Variants in IL16 observed in about 807,000 individuals in gnomAD.
The protein encoded by IL16 is interleukin 16.
A neutral mutation model predicts 110.1 loss-of-function variants in IL16; 67 were observed. That is an observed-to-expected ratio of 0.61 (90% CI 0.50 to 0.75). IL16 has a LOEUF of 0.75. IL16 is among the 30% of genes least tolerant of loss of function. The probability of loss-of-function intolerance (pLI) is 0.00; values close to 1 mark genes in which losing one functional copy is unlikely to be tolerated. For missense variants in IL16, 1,545 were observed against 1,655.0 expected (o/e 0.93, Z 1.15); for synonymous variants, 689 against 662.9 (o/e 1.04, Z -0.61).
At chr15:81,190,243 C>T (rs1895478958) in intron 1 of IL16, among the ~76,000 whole-genome samples, 2 of 152,204 alleles carry the variant, frequency 1.3e-5, no homozygotes, top group South Asian at 4.1e-4. Context: ...TTTCTTGTTG[C>T]CAGGTGGTGC....
At chr15:81,202,031 C>T (rs1472900464) in intron 1 of IL16, among the ~76,000 whole-genome samples, 1 of 152,118 alleles carries the variant, frequency 6.6e-6, no homozygotes, top group Non-Finnish European at 1.5e-5. Flanking sequence ...AAGAATTAGC[C>T]CAAGCAAAGG....
At chr15:81,200,328 T>C (rs1895764150) in intron 1 of IL16, among the ~76,000 whole-genome samples, 1 of 151,742 alleles carries the variant, frequency 6.6e-6, no homozygotes, top group Non-Finnish European at 1.5e-5. Flanking sequence ...TAAGTCAAGA[T>C]TTTTTTAATT....
At chr15:81,198,760 C>G (rs1895690513) in intron 1 of IL16, among the ~76,000 whole-genome samples, 1 of 151,922 alleles carries the variant, frequency 6.6e-6, no homozygotes, top group Non-Finnish European at 1.5e-5. Context: ...TGGCTCACGC[C>G]TGTAATCCCA....
chr15:81,213,462 ATCTG>A (rs1298670247), intron 1 of IL16, among the ~76,000 whole-genome samples: 2 of 152,140 alleles, frequency 1.3e-5, no homozygotes, highest in Admixed American at 6.5e-5. Context: ...TGCCTTGATG[ATCTG>A]TCTAACATTG....
intron 8 of IL16, 80 bp downstream of exon 8, chr15:81,279,854 A>G (rs1899093152): frequency 8.3e-6 from 10 of 1,209,884 alleles, no homozygotes; most frequent in Non-Finnish European, 1.2e-5. Context: ...ACTTGGAATC[A>G]GTCCAGAGGT....
intron 1 of IL16, among the ~76,000 whole-genome samples, chr15:81,216,655 C>T (rs1442743798): frequency 9.0e-6 from 1 of 111,596 alleles, no homozygotes; most frequent in Non-Finnish European, 1.6e-5. Context: ...TTAGCAGCAG[C>T]AGCAGCAGCA....
At position 81,275,794 on chromosome 15, in the gene IL16, A is replaced by G. The variant is rs146086670; in HGVS notation, c.790+2590A>G. 3.6e-3 allele frequency among the ~76,000 whole-genome samples: 547 copies of G among 152,354 alleles called. 1 individual carries two copies. Among genetic ancestry groups the G allele is most frequent in the Non-Finnish European group, 6.2e-3 (424 of 68,036 alleles). Reference sequence around the variant, plus strand: ...AACTTCTTTTAAAAGTAAATATTTGAATCTTGAATTCAGGGCAAATACATT... The same window carrying G: ...AACTTCTTTTAAAAGTAAATATTTGGATCTTGAATTCAGGGCAAATACATT... On this transcript the variant is annotated intron_variant, in intron 6 of 18. Transcript: ENST00000683961.
chr15:81,194,393 C>T (rs898819672), upstream of IL16, among the ~76,000 whole-genome samples: 7 of 151,516 alleles, frequency 4.6e-5, no homozygotes, highest in African/African-American at 1.7e-4. Flanking sequence ...ACTTTTATAA[C>T]TAAAATTTTG....
chr15:81,234,671 TATTTTTC>T, intron 2 of IL16, among the ~76,000 whole-genome samples: 1 of 152,366 alleles, frequency 6.6e-6, no homozygotes, highest in Non-Finnish European at 1.5e-5. Flanking sequence ...CATTTTCCAT[TATTTTTC>T]ATTCCTTCCT....
chr15:81,297,283 C>T (rs1372359355), intron 13 of IL16, among the ~76,000 whole-genome samples: 3 of 151,938 alleles, frequency 2.0e-5, no homozygotes, highest in Non-Finnish European at 2.9e-5. Context: ...CCTGGGTGGA[C>T]GGGTGATGCT....
In IL16 at chr15:81,225,632, C is replaced by T. The variant is rs1268529188; in HGVS notation, c.233C>T (p.Ala78Val). ...EAGPSSVPDL[A>V]LASEAAQLQA... ...GGGCCCAGCAGTGTTCCTGATCTAG[C>T]ACTGGCCTCGGAGGCTGCTCAACTC... Residue 78 changes from alanine (A) to valine (V), a missense_variant, in exon 2 of 19, where the codon GCA becomes GTA. This residue lies in a region of IL16 where 1,185 missense variants were observed against 1,238.8 expected (regional missense o/e 0.96). Transcript: ENST00000683961. 1.2e-6 allele frequency: 2 copies of T among 1,613,972 alleles called. No individual in the cohort carries two copies. Among genetic ancestry groups the T allele is most frequent in the Admixed American group, 1.7e-5 (1 of 59,994 alleles).
intron 1 of IL16, among the ~76,000 whole-genome samples, chr15:81,210,304 T>C (rs1896189565): frequency 6.6e-6 from 1 of 152,096 alleles, no homozygotes; most frequent in Non-Finnish European, 1.5e-5. Context: ...TCATGTGATG[T>C]TCTTCTGTTC....
In IL16 at chr15:81,276,789, G is replaced by A. The variant is rs540683945; in HGVS notation, c.791-2028G>A. 1.4e-4 allele frequency among the ~76,000 whole-genome samples: 22 copies of A among 152,272 alleles called. No individual in the cohort carries two copies. In the South Asian group the frequency reaches 2.5e-3, roughly 17 times the overall value. ...AAAGGAAAAACTGGCAGTGACCTGG[G>A]GTGTATGGGAATCCCATAGAAAAAC... is the stretch of plus-strand genomic sequence containing the variant. On this transcript the variant is annotated intron_variant, in intron 6 of 18. Coordinates refer to ENST00000683961, the MANE Select transcript of IL16 (RefSeq NM_172217.5).
chr15:81,285,738 C>T lies in IL16; in HGVS notation c.1240C>T (p.His414Tyr). The T allele has an allele frequency of 1.2e-6, 2 of 1,614,062 alleles. No homozygotes were observed. Among genetic ancestry groups the T allele is most frequent in the Non-Finnish European group, 1.7e-6 (2 of 1,179,968 alleles). Residue 414 changes from histidine to tyrosine, a missense_variant, in exon 10 of 19, where the codon CAC becomes TAC. By Grantham distance (83) the His-to-Tyr change is moderately conservative (BLOSUM62 2). This residue lies in a region of IL16 where 1,185 missense variants were observed against 1,238.8 expected (regional missense o/e 0.96). Coordinates refer to ENST00000683961, the MANE Select transcript of IL16 (RefSeq NM_172217.5). ...TGTGGAAATCAGTGATTCCCCTGTG[C>T]ACTGCCTGACGCTCAATGAAGTCTA... ...EIVEISDSPV[H>Y]CLTLNEVYTI...
chr15:81,187,664 T>C (rs1895437906), intron 1 of IL16, among the ~76,000 whole-genome samples: 3 of 152,186 alleles, frequency 2.0e-5, no homozygotes, highest in South Asian at 4.1e-4. Flanking sequence ...TTGCTTTCAA[T>C]TTTTGCTGAT....
intron 1 of IL16, among the ~76,000 whole-genome samples, chr15:81,219,532 G>C (rs1464939195): frequency 1.3e-5 from 2 of 152,056 alleles, no homozygotes; most frequent in African/African-American, 4.8e-5. Context: ...TCTTGTTGAG[G>C]CCCACCTGAT....
intron 2 of IL16, among the ~76,000 whole-genome samples, chr15:81,228,497 T>C (rs1567007222): frequency 6.6e-6 from 1 of 152,022 alleles, no homozygotes; most frequent in Non-Finnish European, 1.5e-5. Context: ...ATTTTAAAAA[T>C]ATTTTTAGTA....
intron 1 of IL16, among the ~76,000 whole-genome samples, chr15:81,206,466 A>G (rs1199726993): frequency 6.6e-6 from 1 of 152,236 alleles, no homozygotes; most frequent in Non-Finnish European, 1.5e-5. Context: ...GCATTTTAAT[A>G]TCACATTTGA....
chr15:81,290,740 A>T (rs1333704729), intron 11 of IL16, among the ~76,000 whole-genome samples, 200 bp downstream of exon 11: 1 of 152,166 alleles, frequency 6.6e-6, no homozygotes, highest in Non-Finnish European at 1.5e-5. Context: ...AAGACACAAG[A>T]TTTTAAAAGC....
Sources: allele counts gnomAD v4.1 joint callset (sites outside exome capture counted in the v4.1 genomes callset), GRCh38; gene constraint gnomAD v4.1.1; regional missense constraint gnomAD v4.1.1; transcripts MANE v1.5; gene names NCBI Gene and HGNC (gene_info 2026-07-23, HGNC 2026-07-21).